CNTN5: variants seen among roughly 807,000 people sequenced by gnomAD.
CNTN5 encodes contactin-5.
Under a neutral mutation model 129.1 loss-of-function variants are expected in CNTN5, and 77 were observed. The ratio of observed to expected loss-of-function variants is 0.60; its 90% CI spans 0.50 to 0.72. The LOEUF (loss-of-function observed/expected upper bound fraction) is 0.72, where lower values mean the gene tolerates loss of function less well. Ranked by LOEUF, CNTN5 falls within the 30% of genes least tolerant of loss-of-function variation. The probability of loss-of-function intolerance (pLI) is 0.00; values close to 1 mark genes in which losing one functional copy is unlikely to be tolerated. For missense variants in CNTN5, 1,478 were observed against 1,328.8 expected (o/e 1.11, Z -1.75); for synonymous variants, 509 against 465.6 (o/e 1.09, Z -1.20).
intron 1 of CNTN5, among the ~76,000 whole-genome samples, chr11:99,313,199 G>T (rs751554107): frequency 2.0e-5 from 3 of 151,224 alleles, no homozygotes; most frequent in Non-Finnish European, 4.4e-5. Context: ...GGCTTTAACA[G>T]TTATGATGTA....
chr11:99,451,981 C>A (rs564756288), intron 2 of CNTN5, among the ~76,000 whole-genome samples: 1 of 152,114 alleles, frequency 6.6e-6, no homozygotes. Flanking sequence ...GAAATTGCTC[C>A]GAAGTACAAA....
At chr11:100,070,334 A>G in intron 10 of CNTN5, 90 bp from the exon 11 acceptor site, 2 of 1,355,336 alleles carry the variant, frequency 1.5e-6, no homozygotes, top group Non-Finnish European at 2.0e-6. Context: ...GCTTTTAAAA[A>G]AATACGTTGA....
chr11:100,017,855 C>T (rs1565791884), intron 9 of CNTN5, among the ~76,000 whole-genome samples: 1 of 151,962 alleles, frequency 6.6e-6, no homozygotes, highest in Non-Finnish European at 1.5e-5. Flanking sequence ...TCTGCCTGCA[C>T]TGCCTGCATT....
At chr11:99,857,824 C>T (rs998117849) in intron 6 of CNTN5, among the ~76,000 whole-genome samples, 2 of 152,022 alleles carry the variant, frequency 1.3e-5, no homozygotes, top group Admixed American at 6.6e-5. Flanking sequence ...ATAATTCTAG[C>T]AATATCTCTT....
rs113713268 is a variant in CNTN5 at position 99,484,732 on chromosome 11, C to T, written c.-70-71413C>T. Among the ~76,000 whole-genome samples the T allele has an allele frequency of 1.1e-3, 163 of 152,098 alleles. 3 individuals carry two copies. Among genetic ancestry groups the T allele is most frequent in the African/African-American group, 3.4e-3 (143 of 41,512 alleles). ...AAAAAAAAAAGGTGAAATAATCATT[C>T]TCTGTTACACGAATGGAACTGAAGA... On this transcript the variant is annotated intron_variant, in intron 2 of 24. Coordinates refer to ENST00000524871, the MANE Select transcript of CNTN5 (RefSeq NM_014361.4).
chr11:99,249,012 T>G (rs889721974), intron 1 of CNTN5, among the ~76,000 whole-genome samples: 4 of 152,058 alleles, frequency 2.6e-5, no homozygotes, highest in Non-Finnish European at 4.4e-5. Flanking sequence ...GAAAGTCATT[T>G]GTAGCTTGAT....
At chr11:99,099,900 C>A (rs1866643036) in intron 1 of CNTN5, among the ~76,000 whole-genome samples, 1 of 152,122 alleles carries the variant, frequency 6.6e-6, no homozygotes, top group African/African-American at 2.4e-5. Context: ...TGTTACAAAT[C>A]ACCTGAACTC....
chr11:99,581,910 C>A (rs979057794), intron 3 of CNTN5, among the ~76,000 whole-genome samples: 1 of 152,134 alleles, frequency 6.6e-6, no homozygotes, highest in Non-Finnish European at 1.5e-5. Context: ...GATGCAGTTG[C>A]TTCCTAGCCT....
At chr11:99,442,037 A>G (rs1048237164) in intron 2 of CNTN5, among the ~76,000 whole-genome samples, 16 of 152,128 alleles carry the variant, frequency 1.1e-4, no homozygotes, top group Non-Finnish European at 2.2e-4. Context: ...TGTTTCCCTG[A>G]TCATCCTAAG....
intron 13 of CNTN5, among the ~76,000 whole-genome samples, chr11:100,088,196 C>A (rs1944628430): frequency 6.6e-6 from 1 of 151,818 alleles, no homozygotes; most frequent in African/African-American, 2.4e-5. Context: ...CCTCTATACA[C>A]ACAAACCAGA....
chr11:99,308,499 T>C (rs1864966976), intron 1 of CNTN5, among the ~76,000 whole-genome samples: 1 of 152,150 alleles, frequency 6.6e-6, no homozygotes, highest in Non-Finnish European at 1.5e-5. Context: ...GTTTGAGAAT[T>C]GACTTCTGAG....
chr11:99,962,361 T>C (rs1326147647), intron 8 of CNTN5, among the ~76,000 whole-genome samples: 3 of 140,478 alleles, frequency 2.1e-5, no homozygotes, highest in African/African-American at 5.2e-5. Flanking sequence ...CCTGTGTCCA[T>C]GTGTTCTCAT....
At chr11:99,090,348 A>C (rs1039018113) in intron 1 of CNTN5, among the ~76,000 whole-genome samples, 1 of 152,196 alleles carries the variant, frequency 6.6e-6, no homozygotes, top group Non-Finnish European at 1.5e-5. Flanking sequence ...AGGCAGTAAA[A>C]GGCACAGAAG....
intron 1 of CNTN5, among the ~76,000 whole-genome samples, chr11:99,271,192 C>A (rs187611649): frequency 1.1e-4 from 17 of 151,950 alleles, no homozygotes; most frequent in African/African-American, 3.9e-4. Flanking sequence ...TTAATTTAAT[C>A]AGACTTATGA....
chr11:99,039,097 G>T (rs1448253753), intron 1 of CNTN5, among the ~76,000 whole-genome samples: 2 of 151,968 alleles, frequency 1.3e-5, no homozygotes, highest in Non-Finnish European at 2.9e-5. Flanking sequence ...TTAAACGATT[G>T]AAAATTTTGA....
In CNTN5 at chr11:99,946,819, CTTA is replaced by C. The variant is rs541398676; in HGVS notation, c.674-9981_674-9979del. Among the ~76,000 whole-genome samples the C allele has an allele frequency of 1.6e-3, 247 of 151,328 alleles. 1 individual carries two copies. The highest frequency in any genetic ancestry group is 5.7e-3 in the African/African-American group (235 of 41,254). On this transcript the variant is annotated intron_variant, in intron 7 of 24. Coordinates refer to ENST00000524871, the MANE Select transcript of CNTN5 (RefSeq NM_014361.4). ...TTTAAATCCCCTATTAGTACTAGAC[CTTA>C]TTATTTTACAGCTATGCAAATATCA...
chr11:99,258,852 A>G (rs552375910), intron 1 of CNTN5, among the ~76,000 whole-genome samples: 1 of 151,920 alleles, frequency 6.6e-6, no homozygotes, highest in Non-Finnish European at 1.5e-5. Context: ...AAGATATAAA[A>G]TTATTTTATA....
intron 2 of CNTN5, among the ~76,000 whole-genome samples, chr11:99,432,506 TTCTCTC>T (rs146162294): frequency 1.3e-5 from 2 of 148,548 alleles, no homozygotes; most frequent in Non-Finnish European, 3.0e-5. Context: ...TTTCTTTTCT[TTCTCTC>T]TCTCTGTCTT....
intron 2 of CNTN5, among the ~76,000 whole-genome samples, chr11:99,424,518 A>AAGGC (rs139003013): frequency 0.095 from 14,455 of 152,284 alleles, 766 homozygotes; most frequent in South Asian, 0.15. Context: ...CATGCCAGCT[A>AAGGC]AGGCAGGCAG....
Sources: gnomAD v4.1 joint callset for allele counts (sites outside exome capture counted in the v4.1 genomes callset) on GRCh38, gnomAD v4.1.1 for gene constraint, MANE v1.5 for transcripts, NCBI Gene and HGNC (gene_info 2026-07-23, HGNC 2026-07-21) for gene names.